ZNF142: variants seen among roughly 807,000 people sequenced by gnomAD.
ZNF142 encodes zinc finger protein 142.
A neutral mutation model predicts 132.1 loss-of-function variants in ZNF142; 96 were observed. The observed-to-expected ratio is 0.73, with a 90% CI of 0.62 to 0.86. The LOEUF is 0.86. Among genes scored for constraint, ZNF142 ranks in the 40% least tolerant of loss-of-function variants. The probability of loss-of-function intolerance (pLI) is 0.00; values close to 1 mark genes in which losing one functional copy is unlikely to be tolerated. For synonymous variants in ZNF142, 842 were observed against 890.1 expected, an observed-to-expected ratio of 0.95 and a Z score of 0.96; for missense variants, 2,163 against 2,336.2, an observed-to-expected ratio of 0.93 and a Z score of 1.53.
chr2:218,640,522 C>T, intron 10 of ZNF142, 142 bp downstream of exon 10: 1 of 702,410 alleles, frequency 1.4e-6, no homozygotes. Flanking sequence ...GCCATTCTGG[C>T]ACATACAACC....
chr2:218,652,302 T>G lies in ZNF142; in HGVS notation c.281-2A>C. ...CCTCCACCACCTTTACCAGGACACC[T>G]GCAGGCAGAGGACCGACAGAGAAAG... On this transcript the variant is annotated splice_acceptor_variant, in intron 4 of 10. Coordinates refer to ENST00000411696, the MANE Select transcript of ZNF142 (RefSeq NM_001379659.1). LOFTEE classifies it high-confidence loss of function. The G allele has an allele frequency of 2.2e-6, 1 of 457,094 alleles. No homozygotes were observed. Among genetic ancestry groups the G allele is most frequent in the Middle Eastern group, 3.2e-4 (1 of 3,080 alleles). The allele number at this position is 457,094 out of a possible 1,614,324, so 28.3% of individuals were successfully genotyped here.
chr2:218,635,880 G>A lies in ZNF142; in HGVS notation c.*2459C>T, dbSNP rs372277551. 10 of 1,613,846 alleles carry A rather than the reference G, an allele frequency of 6.2e-6. No individual in the cohort carries two copies. Among genetic ancestry groups the A allele is most frequent in the African/African-American group, 1.3e-5 (1 of 74,906 alleles). ...TCCACTGGTGAAAGTGCAGATCTTT[G>A]GCGTTCGTCTAGACACAGCACGGCA... On this transcript the variant is annotated 3_prime_UTR_variant, in exon 11 of 11. Transcript: ENST00000411696.
At chr2:218,646,584 C>T (rs1372169150) in intron 7 of ZNF142, among the ~76,000 whole-genome samples, 3 of 146,500 alleles carry the variant, frequency 2.0e-5, no homozygotes, top group Non-Finnish European at 4.5e-5. Context: ...CCAAGCTTTT[C>T]TTTTTTTTTT....
intron 5 of ZNF142, among the ~76,000 whole-genome samples, chr2:218,650,947 G>C (rs1219473029): frequency 6.6e-6 from 1 of 151,146 alleles, no homozygotes; most frequent in Non-Finnish European, 1.5e-5. Flanking sequence ...CTACTAAAAC[G>C]CCGTCTCCCT....
intron 4 of ZNF142, among the ~76,000 whole-genome samples, chr2:218,655,499 A>G (rs1406415099): frequency 6.6e-6 from 1 of 151,968 alleles, no homozygotes; most frequent in African/African-American, 2.4e-5. Context: ...TTTTAAAGAG[A>G]TGGGGGTCTC....
Position 218,633,353 on chromosome 2 carries a change from G to A in ZNF142, c.*4986C>T, listed in dbSNP as rs1421849879. On this transcript the variant is annotated 3_prime_UTR_variant, in exon 11 of 11. Transcript: ENST00000411696. ...GTTGACACTGATCCCAGCAGTACAT[G>A]CAGACCGCCTTTATTCCCATTCCCA... 2.8e-6 allele frequency: 2 copies of A among 703,410 alleles called. No homozygotes were observed. Among genetic ancestry groups the A allele is most frequent in the Admixed American group, 4.0e-5 (2 of 49,994 alleles). 43.6% of individuals were successfully genotyped at this position (703,410 alleles called of 1,614,324 possible). A position where few individuals can be genotyped will look rare whatever the true frequency, so the allele number is the denominator to read the frequency against.
chr2:218,639,752 A>AG (rs1697012158), intron 10 of ZNF142, among the ~76,000 whole-genome samples: 2 of 144,888 alleles, frequency 1.4e-5, no homozygotes, highest in African/African-American at 5.3e-5. Flanking sequence ...AAAAAAAAAA[A>AG]GTAAAAGAAA....
At position 218,643,600 on chromosome 2, in the gene ZNF142, G is replaced by C; in HGVS notation, c.3516C>G (p.Pro1172=). The part of the protein sequence containing the change: ...SPVPPAGNSL[P]TEAPKKHCFD... ...AGCAGTGCTTCTTAGGGGCCTCTGTGGGCAAGGAGTTTCCTGCAGGAGGGA... is the reference window on the plus strand; with the variant it reads ...AGCAGTGCTTCTTAGGGGCCTCTGTCGGCAAGGAGTTTCCTGCAGGAGGGA... The change falls in exon 9 of 11, where the codon CCC becomes CCG. Residue 1172 remains proline, a synonymous_variant. Coordinates refer to ENST00000411696, the MANE Select transcript of ZNF142 (RefSeq NM_001379659.1). 6.4e-7 allele frequency: 1 copy of C among 1,565,716 alleles called. No homozygotes were observed. Among genetic ancestry groups the C allele is most frequent in the Non-Finnish European group, 8.6e-7 (1 of 1,157,172 alleles).
Position 218,649,116 on chromosome 2 carries a change from G to C in ZNF142, c.1392C>G (p.Leu464=), listed in dbSNP as rs373385375. ...TGAGGTGCTCCTTTAGGGCCTGGCT[G>C]AGGCGGAATTCCTCACGGCAGACAG... is the stretch of plus-strand genomic sequence containing the variant. The part of the protein sequence containing the change: ...ACPVCREEFR[L]SQALKEHLKS... The change falls in exon 7 of 11, where the codon CTC becomes CTG. Residue 464 remains leucine, a synonymous_variant. Coordinates refer to ENST00000411696, the MANE Select transcript of ZNF142 (RefSeq NM_001379659.1). 1 of 1,614,128 alleles carries C rather than the reference G, an allele frequency of 6.2e-7. No homozygotes were observed. Among genetic ancestry groups the C allele is most frequent in the Admixed American group, 1.7e-5 (1 of 60,034 alleles).
Position 218,633,913 on chromosome 2 carries a change from T to C in ZNF142, c.*4426A>G, listed in dbSNP as rs1344705665. The stretch of plus-strand genomic sequence containing the variant: ...CTTAGAGCAGACAAGGGCAGAGGAG[T>C]TATGAATAGTGGCTCAAGGGTCTAG... On this transcript the variant is annotated 3_prime_UTR_variant, in exon 11 of 11. Transcript: ENST00000411696. The C allele has an allele frequency of 1.7e-6, 2 of 1,201,922 alleles. No individual in the cohort carries two copies. Among genetic ancestry groups the C allele is most frequent in the Admixed American group, 4.2e-5 (2 of 47,066 alleles). 74.5% of individuals were successfully genotyped at this position (1,201,922 alleles called of 1,614,324 possible). A position where few individuals can be genotyped will look rare whatever the true frequency, so the allele number is the denominator to read the frequency against.
intron 4 of ZNF142, among the ~76,000 whole-genome samples, chr2:218,655,485 G>GT (rs1361559228): frequency 8.6e-5 from 13 of 151,914 alleles, no homozygotes; most frequent in African/African-American, 2.2e-4. Context: ...GTTTTGTTTT[G>GT]TTTTTTTAAA....
chr2:218,637,042 C>T lies in ZNF142; in HGVS notation c.*1297G>A. On this transcript the variant is annotated 3_prime_UTR_variant, in exon 11 of 11. Transcript: ENST00000411696. ...GATAAATCAAGGCTCAAGGCTTCCC[C>T]AGCAAAGATTAGGGAAAGAGACTTG... is the stretch of plus-strand genomic sequence containing the variant. 2 of 401,278 alleles carry T rather than the reference C, an allele frequency of 5.0e-6. No individual in the cohort carries two copies. Among genetic ancestry groups the T allele is most frequent in the Non-Finnish European group, 9.8e-6 (2 of 203,812 alleles). The allele number at this position is 401,278 out of a possible 1,614,324, so 24.9% of individuals were successfully genotyped here. A position where few individuals can be genotyped will look rare whatever the true frequency, so the allele number is the denominator to read the frequency against.
chr2:218,648,596 A>G (rs1937654819), intron 7 of ZNF142, 39 bp downstream of exon 7: 1 of 1,580,382 alleles, frequency 6.3e-7, no homozygotes, highest in East Asian at 2.3e-5. Flanking sequence ...CACCACCATC[A>G]TTATTACAAC....
rs1196029571 is a variant in ZNF142 at position 218,650,374 on chromosome 2, C to G, written c.1033G>C (p.Ala345Pro). 1 of 1,614,206 alleles carries G rather than the reference C, an allele frequency of 6.2e-7. No individual in the cohort carries two copies. ...ATGTCATTACCTTCCAGCCGCTGAG[C>G]CCCTTGGCCTTTATCCACAGCCTTT... Reference protein sequence around the residue: ...SQKAVDKGQGAQRLEGDVVSG... With the variant: ...SQKAVDKGQGPQRLEGDVVSG... The change falls in exon 6 of 11, where the codon GCT (alanine) becomes CCT (proline). Residue 345 changes from alanine (A) to proline (P), a missense_variant. Physicochemically the swap from Ala to Pro is conservative, Grantham distance 27 (BLOSUM62 -1). This residue lies in a region of ZNF142 where 749 missense variants were observed against 830.3 expected (regional missense o/e 0.90). Transcript: ENST00000411696.
At chr2:218,647,415 T>G (rs1697831835) in intron 7 of ZNF142, among the ~76,000 whole-genome samples, 2 of 1,066 alleles carry the variant, frequency 1.9e-3, no homozygotes, top group African/African-American at 2.9e-3. Context: ...AGAGCCAGAC[T>G]CCATCTCAAA....
rs1436393393 is a variant in ZNF142, at chr2:218,642,605, T to C, written c.4511A>G (p.His1504Arg). The change falls in exon 9 of 11, where the codon CAT becomes CGT. Residue 1504 changes from histidine (H) to arginine (R), a missense_variant. His to Arg is a conservative substitution (Grantham distance 29). Around this residue, in one of 7 missense-constraint regions of ZNF142, gnomAD observed 809 missense variants for 801.7 expected, o/e 1.01. Transcript: ENST00000411696. This position sits in a 1 kb window ranked among gnomAD's most constrained non-coding sequence, Gnocchi z 4.6. ...QFSSETALKQ[H>R]ALRRHPEPAQ... The stretch of plus-strand genomic sequence containing the variant: ...AGGCTCGGGGTGTCGGCGCAGAGCA[T>C]GCTGCTTAAGTGCTGTCTCTGAGCT... 4 of 1,608,230 alleles carry C rather than the reference T, an allele frequency of 2.5e-6. No individual in the cohort carries two copies. Among genetic ancestry groups the C allele is most frequent in the African/African-American group, 1.4e-5 (1 of 72,942 alleles).
intron 5 of ZNF142, among the ~76,000 whole-genome samples, chr2:218,651,360 C>T (rs1247461205): frequency 6.6e-6 from 1 of 152,232 alleles, no homozygotes; most frequent in Non-Finnish European, 1.5e-5. Flanking sequence ...AGTCTACAGG[C>T]ATTCTATCAG....
At position 218,649,201 on chromosome 2, in the gene ZNF142, C is replaced by T. The variant is rs1488245946; in HGVS notation, c.1307G>A (p.Arg436His). 1.9e-6 allele frequency: 3 copies of T among 1,614,198 alleles called. No homozygotes were observed. The highest frequency in any genetic ancestry group is 1.3e-5 in the African/African-American group (1 of 75,048). The change falls in exon 7 of 11, where the codon CGC becomes CAC. Residue 436 changes from arginine (R) to histidine (H), a missense_variant. Coordinates refer to ENST00000411696, the MANE Select transcript of ZNF142 (RefSeq NM_001379659.1). ...YSAVERNALNRHMASMHEDIS... is the reference protein window; with the variant it reads ...YSAVERNALNHHMASMHEDIS... ...ATCTTCATGCATGCTGGCCATGTGG[C>T]GGTTGAGTGCATTCCTCTCCACCGC... is the stretch of plus-strand genomic sequence containing the variant.
chr2:218,635,596 G>A lies in ZNF142; in HGVS notation c.*2743C>T, dbSNP rs1436347659. Reference sequence around the variant, plus strand: ...GATCTGCCCACCTCGGCCTCCTGAAGTGTTGGGATTACAGGTGTGAGCCAC... The same window carrying A: ...GATCTGCCCACCTCGGCCTCCTGAAATGTTGGGATTACAGGTGTGAGCCAC... On this transcript the variant is annotated 3_prime_UTR_variant, in exon 11 of 11. Coordinates refer to ENST00000411696, the MANE Select transcript of ZNF142 (RefSeq NM_001379659.1). Among the ~76,000 whole-genome samples, 13 of 152,198 alleles carry A rather than the reference G, an allele frequency of 8.5e-5. No individual in the cohort carries two copies. Among genetic ancestry groups the A allele is most frequent in the African/African-American group, 3.1e-4 (13 of 41,452 alleles).
Sources: gnomAD v4.1 joint callset for allele counts (sites outside exome capture counted in the v4.1 genomes callset) on GRCh38, gnomAD v4.1.1 for gene constraint, gnomAD v4.1.1 regional missense constraint, Gnocchi (gnomAD v3.1) non-coding constraint, MANE v1.5 for transcripts, NCBI Gene and HGNC (gene_info 2026-07-23, HGNC 2026-07-21) for gene names.